TMEM255A: variants seen among roughly 807,000 people sequenced by gnomAD.
TMEM255A encodes transmembrane protein 255A.
A neutral mutation model predicts 23.5 loss-of-function variants in TMEM255A; 14 were observed. The observed-to-expected ratio is 0.60, with a 90% CI of 0.39 to 0.93. The LOEUF (loss-of-function observed/expected upper bound fraction) is 0.93. TMEM255A is among the 40% of genes least tolerant of loss of function. TMEM255A has a pLI of 0.00. For synonymous variants in TMEM255A, 104 were observed against 100.3 expected (o/e 1.04, Z -0.22); for missense variants, 233 against 261.7 (o/e 0.89, Z 0.76).
chrX:120,265,238 A>T (rs781846836), intron 8 of TMEM255A, among the ~76,000 whole-genome samples: 6 of 112,246 alleles, frequency 5.3e-5, no homozygotes, highest in Non-Finnish European at 7.5e-5. Flanking sequence ...AAACTTGGTG[A>T]GCAAAAGAAA....
intron 7 of TMEM255A, among the ~76,000 whole-genome samples, chrX:120,270,020 A>G (rs929213579): frequency 1.8e-5 from 2 of 111,866 alleles, no homozygotes; most frequent in Non-Finnish European, 3.8e-5. Context: ...GACTATTTAG[A>G]GAAGGCAGCA....
At chrX:120,271,749 A>G (rs1556018831) in intron 7 of TMEM255A, among the ~76,000 whole-genome samples, 1 of 110,638 alleles carries the variant, frequency 9.0e-6, no homozygotes. Flanking sequence ...TAAATGTAAC[A>G]GCTAAAACTA....
rs1174780506 is a variant in TMEM255A, at chrX:120,304,986, A to AT, written c.59-496dup. Among the ~76,000 whole-genome samples the AT allele has an allele frequency of 3.8e-4, 42 of 110,730 alleles. 1 individual carries two copies. Among genetic ancestry groups the AT allele is most frequent in the Non-Finnish European group, 5.9e-4 (31 of 52,714 alleles). On this transcript the variant is annotated intron_variant, in intron 1 of 8. Coordinates refer to ENST00000371369, the MANE Select transcript of TMEM255A (RefSeq NM_001104544.3). ...ATCACAGCCAAGCCAAGTTACTGGGATTTTTTTTTCATTTATTTCTGACAT... is the reference window on the plus strand; with the variant it reads ...ATCACAGCCAAGCCAAGTTACTGGGATTTTTTTTTTCATTTATTTCTGACAT...
chrX:120,258,422 A>G (rs2057652167), downstream of TMEM255A: 1 of 122,922 alleles, frequency 8.1e-6, no homozygotes, highest in African/African-American at 3.2e-5. Context: ...GTTTTACAAG[A>G]TTGTCTTTCA....
rs1397991539 is a variant in TMEM255A, at chrX:120,259,350, C to T, written c.*1520G>A. ...AACATTCATGATGCTGAAAGTTAAACTGAATATCTTGCAAACATTTACTGT... is the reference window on the plus strand; with the variant it reads ...AACATTCATGATGCTGAAAGTTAAATTGAATATCTTGCAAACATTTACTGT... On this transcript the variant is annotated 3_prime_UTR_variant, in exon 9 of 9. Transcript: ENST00000371369. 8.9e-6 allele frequency: 1 copy of T among 112,367 alleles called. No homozygotes were observed. The highest frequency in any genetic ancestry group is 3.3e-5 in the African/African-American group (1 of 30,677). The allele number at this position is 112,367 out of a possible 1,213,427, so 9.3% of individuals were successfully genotyped here. A position where few individuals can be genotyped will look rare whatever the true frequency, so the allele number is the denominator to read the frequency against.
chrX:120,275,399 T>C (rs1556019555), intron 7 of TMEM255A, among the ~76,000 whole-genome samples: 1 of 112,151 alleles, frequency 8.9e-6, no homozygotes, highest in Non-Finnish European at 1.9e-5. Context: ...TGCTGGAGAC[T>C]TGCAATCCAA....
At chrX:120,274,127 C>CA (rs200143105) in intron 7 of TMEM255A, among the ~76,000 whole-genome samples, 11 of 111,138 alleles carry the variant, frequency 9.9e-5, no homozygotes, top group South Asian at 7.5e-4. Context: ...ATTTTAAAAA[C>CA]AAAAAAAATA....
intron 2 of TMEM255A, among the ~76,000 whole-genome samples, chrX:120,302,674 C>T (rs147536787): frequency 0.047 from 5,224 of 111,189 alleles, 153 homozygotes; most frequent in East Asian, 0.13. Context: ...AGGAGCCCTG[C>T]CTGCCCTGGA....
chrX:120,295,836 G>C (rs782154783), intron 2 of TMEM255A, among the ~76,000 whole-genome samples: 1 of 111,850 alleles, frequency 8.9e-6, no homozygotes, highest in African/African-American at 3.2e-5. Flanking sequence ...ACAGCACCTG[G>C]TACACAGTAA....
chrX:120,294,005 T>C lies in TMEM255A; in HGVS notation c.248A>G (p.Glu83Gly). The change falls in exon 3 of 9, where the codon GAG (glutamate) becomes GGG (glycine). Residue 83 changes from glutamate (E) to glycine (G), a missense_variant. Coordinates refer to ENST00000371369, the MANE Select transcript of TMEM255A (RefSeq NM_001104544.3). Reference protein sequence around the residue: ...FLGIIGSNLIENKRQMLVASI... With the variant: ...FLGIIGSNLIGNKRQMLVASI... Reference sequence around the variant, plus strand: ...AAAACTTACCATCTGCCTTTTGTTCTCAATAAGGTTTGATCCAATGATTCC... The same window carrying C: ...AAAACTTACCATCTGCCTTTTGTTCCCAATAAGGTTTGATCCAATGATTCC... The C allele has an allele frequency of 8.4e-7, 1 of 1,192,131 alleles. No homozygotes were observed. The highest frequency in any genetic ancestry group is 1.1e-6 in the Non-Finnish European group (1 of 881,975).
In TMEM255A at chrX:120,260,722, A is replaced by G; in HGVS notation, c.*148T>C. 2 of 790,905 alleles carry G rather than the reference A, an allele frequency of 2.5e-6. No homozygotes were observed. Among genetic ancestry groups the G allele is most frequent in the Non-Finnish European group, 3.5e-6 (2 of 568,809 alleles). 65.2% of individuals were successfully genotyped at this position (790,905 alleles called of 1,213,427 possible). A position where few individuals can be genotyped will look rare whatever the true frequency, so the allele number is the denominator to read the frequency against. The stretch of plus-strand genomic sequence containing the variant: ...CCCTGCTCTGCACTAATAATGAATA[A>G]GCTTCGTCCCTATCTTTCCCTAGCC... On this transcript the variant is annotated 3_prime_UTR_variant, in exon 9 of 9. Transcript: ENST00000371369.
chrX:120,262,164 C>T (rs1360656416), intron 8 of TMEM255A, among the ~76,000 whole-genome samples: 3 of 110,520 alleles, frequency 2.7e-5, no homozygotes, highest in Admixed American at 1.9e-4. Flanking sequence ...GTGGTGGGTG[C>T]CCGTAATCCC....
At chrX:120,285,722 G>A in intron 5 of TMEM255A, 1 of 1,209,377 alleles carries the variant, frequency 8.3e-7, no homozygotes, top group Non-Finnish European at 1.1e-6. Flanking sequence ...TAGGGTTAGG[G>A]GGACCAGGGT....
At position 120,260,175 on chromosome X, in the gene TMEM255A, G is replaced by A. The variant is rs549044701; in HGVS notation, c.*695C>T. 2.3e-5 allele frequency: 17 copies of A among 740,368 alleles called. No individual in the cohort carries two copies. The African/African-American group carries it at 3.9e-4, about 17-fold the overall frequency. The allele number at this position is 740,368 out of a possible 1,213,427, so 61.0% of individuals were successfully genotyped here. The stretch of plus-strand genomic sequence containing the variant: ...CTTAAAACATCTCACATGTTGCTGT[G>A]TATTTCAGTGTTTCCGGAACAATAC... On this transcript the variant is annotated 3_prime_UTR_variant, in exon 9 of 9. Transcript: ENST00000371369.
chrX:120,261,049 G>A (rs3752341), intron 8 of TMEM255A, 21 bp from the exon 9 acceptor site: 4 of 1,077,503 alleles, frequency 3.7e-6, no homozygotes, highest in African/African-American at 3.8e-5. Context: ...AAAAGAAAAC[G>A]TTAGTTTAGG....
intron 5 of TMEM255A, 26 bp from the exon 6 acceptor site, chrX:120,285,241 T>C: frequency 8.8e-7 from 1 of 1,136,642 alleles, no homozygotes; most frequent in Non-Finnish European, 1.2e-6. Context: ...AGTGAGGAGA[T>C]GAGCTGGCAT....
chrX:120,265,271 A>G (rs1255751469), intron 8 of TMEM255A, among the ~76,000 whole-genome samples: 1 of 112,386 alleles, frequency 8.9e-6, no homozygotes, highest in Non-Finnish European at 1.9e-5. Context: ...TACTAAAATG[A>G]AACCATTTAA....
downstream of TMEM255A, chrX:120,254,839 G>A (rs782168421): frequency 1.7e-6 from 2 of 1,211,782 alleles, no homozygotes; most frequent in Non-Finnish European, 2.2e-6. Context: ...GCAAACAAAC[G>A]TATGAAAGTA....
intron 6 of TMEM255A, 87 bp downstream of exon 6, chrX:120,285,040 C>T: frequency 2.4e-6 from 2 of 830,287 alleles, no homozygotes; most frequent in Non-Finnish European, 1.8e-6. Context: ...TTCCCTAATT[C>T]CCACAATGCA....
Sources: allele counts gnomAD v4.1 joint callset (sites outside exome capture counted in the v4.1 genomes callset), GRCh38; gene constraint gnomAD v4.1.1; transcripts MANE v1.5; gene names NCBI Gene and HGNC (gene_info 2026-07-23, HGNC 2026-07-21).